PWWP4: variants seen among roughly 807,000 people sequenced by gnomAD.
The protein encoded by PWWP4 is putative PWWP domain-containing DNA repair factor 4.
upstream of PWWP4, among the ~76,000 whole-genome samples, chrX:153,269,915 C>T (rs1432903018): frequency 8.9e-6 from 1 of 112,630 alleles, no homozygotes; most frequent in African/African-American, 3.2e-5. Context: ...TCCAGTTATG[C>T]TCTTAGGTTA....
At chrX:153,266,400 TGTGTGTGTTTGGGG>T in the PWWP4 span, among the ~76,000 whole-genome samples, 2 of 99,630 alleles carry the variant, frequency 2.0e-5, no homozygotes, top group East Asian at 4.8e-4. Flanking sequence ...TGTGTGGATG[TGTGTGTGTTTGGGG>T]GTGTGTGTGT....
At chrX:153,270,137 T>G (rs1371017485), upstream of PWWP4, among the ~76,000 whole-genome samples, 6 of 108,517 alleles carry the variant, frequency 5.5e-5, no homozygotes, top group Non-Finnish European at 1.1e-4. Context: ...TCACCTGTCA[T>G]GTTTCCTCAT....
exon 1 of PWWP4, among the ~76,000 whole-genome samples, chrX:153,271,707 G>A (rs1324798324): frequency 1.2e-5 from 1 of 85,768 alleles, no homozygotes; most frequent in Non-Finnish European, 2.1e-5. Flanking sequence ...CAAAAACGAA[G>A]CCTGAAAAGG....
chrX:153,266,528 T>G, the PWWP4 span, among the ~76,000 whole-genome samples: 2 of 107,873 alleles, frequency 1.9e-5, no homozygotes, highest in African/African-American at 7.0e-5. Flanking sequence ...GGGGTGTGTG[T>G]ATGGATGTGT....
the PWWP4 span, among the ~76,000 whole-genome samples, chrX:153,266,303 CTGTG>C: frequency 2.0e-5 from 2 of 98,215 alleles, no homozygotes; most frequent in African/African-American, 4.0e-5. Context: ...GGATGTGTGT[CTGTG>C]TGTGTGTGTG....
chrX:153,270,280 G>A (rs1423346867), upstream of PWWP4, among the ~76,000 whole-genome samples: 824 of 106,515 alleles, frequency 7.7e-3, 1 homozygote, highest in Non-Finnish European at 0.013. Flanking sequence ...TTCTGTCTTA[G>A]GGGGATGCTC....
exon 1 of PWWP4, among the ~76,000 whole-genome samples, chrX:153,271,750 G>C (rs2051807383): frequency 2.4e-5 from 2 of 82,309 alleles, no homozygotes; most frequent in Admixed American, 1.6e-4. Flanking sequence ...CCTCGCAGTA[G>C]ATGAAAAAAT....
At chrX:153,266,330 C>T in the PWWP4 span, among the ~76,000 whole-genome samples, 1 of 100,209 alleles carries the variant, frequency 1.0e-5, no homozygotes. Context: ...ACGGTGTGTG[C>T]GTGTGTGGGT....
At chrX:153,275,295 A>G (rs1232284394) in exon 1 of PWWP4, among the ~76,000 whole-genome samples, 3 of 44,812 alleles carry the variant, frequency 6.7e-5, no homozygotes, top group Admixed American at 2.0e-4. Context: ...GGAAACGCAA[A>G]GCCATTGCTT....
At chrX:153,266,473 A>G in the PWWP4 span, among the ~76,000 whole-genome samples, 11 of 56,971 alleles carry the variant, frequency 1.9e-4, no homozygotes, top group Middle Eastern at 0.013. Flanking sequence ...GTATGTGAGG[A>G]TGTGTGTGTG....
the PWWP4 span, among the ~76,000 whole-genome samples, chrX:153,266,410 T>TGG: frequency 1.0e-5 from 1 of 98,197 alleles, no homozygotes; most frequent in South Asian, 4.3e-4. Flanking sequence ...TGTGTGTGTT[T>TGG]GGGGGTGTGT....
chrX:153,270,210 C>G (rs1257521755), upstream of PWWP4, among the ~76,000 whole-genome samples: 8 of 104,290 alleles, frequency 7.7e-5, no homozygotes, highest in African/African-American at 2.9e-4. Context: ...CACACACACA[C>G]ACAGAGAGAG....
At chrX:153,271,244 G>C (rs1427691349), upstream of PWWP4, among the ~76,000 whole-genome samples, 6 of 113,661 alleles carry the variant, frequency 5.3e-5, no homozygotes, top group Non-Finnish European at 1.1e-4. Flanking sequence ...AGCTTCTGTG[G>C]ACCTTCTGTA....
upstream of PWWP4, among the ~76,000 whole-genome samples, chrX:153,270,212 CAG>C (rs1322132253): frequency 6.0e-5 from 6 of 100,674 alleles, no homozygotes; most frequent in Admixed American, 2.2e-4. Context: ...CACACACACA[CAG>C]AGAGAGAGAG....
rs1213866996 is a variant in PWWP4, at chrX:153,273,112, GGCACCGCCATT to G, written c.1501_1511del (p.Ala501Ter). Among the ~76,000 whole-genome samples the G allele has an allele frequency of 1.0e-5, 1 of 98,675 alleles. No homozygotes were observed. The highest frequency in any genetic ancestry group is 2.1e-5 in the Non-Finnish European group (1 of 48,697). 85.7% of individuals were successfully genotyped at this position (98,675 alleles called of 115,157 possible). Reference sequence around the variant, plus strand: ...CTGGCGCGGTTACAGGTCAACGACAGGCACCGCCATTGCACCTAATCTGGGCGCCCTGGGCG... The same window carrying G: ...CTGGCGCGGTTACAGGTCAACGACAGGCACCTAATCTGGGCGCCCTGGGCG... On this transcript the variant is annotated frameshift_variant, in exon 1 of 1. Transcript: ENST00000458091. LOFTEE classifies it high-confidence loss of function.
the PWWP4 span, among the ~76,000 whole-genome samples, chrX:153,266,576 T>C: frequency 9.1e-6 from 1 of 109,306 alleles, no homozygotes; most frequent in African/African-American, 3.4e-5. Context: ...TGTGTGTGAA[T>C]GTGTGTGGCA....
exon 1 of PWWP4, among the ~76,000 whole-genome samples, chrX:153,273,131 A>C (rs1296368352): frequency 9.2e-5 from 6 of 65,314 alleles, no homozygotes; most frequent in South Asian, 8.7e-4. Context: ...ATTGCACCTA[A>C]TCTGGGCGCC....
chrX:153,273,193 G>A (rs190942920), exon 1 of PWWP4, among the ~76,000 whole-genome samples: 6 of 95,963 alleles, frequency 6.3e-5, no homozygotes, highest in Non-Finnish European at 8.4e-5. Context: ...TACTCCAGGC[G>A]CCCTGCGAGG....
upstream of PWWP4, among the ~76,000 whole-genome samples, chrX:153,271,384 G>T (rs1425597046): frequency 4.6e-5 from 5 of 108,765 alleles, no homozygotes; most frequent in Admixed American, 1.0e-4. Context: ...ATACATTTCC[G>T]CTCTCCCTTT....
Sources: gnomAD v4.1 joint callset for allele counts (sites outside exome capture counted in the v4.1 genomes callset) on GRCh38, gnomAD v4.1.1 for gene constraint, MANE v1.5 for transcripts, NCBI Gene and HGNC (gene_info 2026-07-23, HGNC 2026-07-21) for gene names.